Variants in IL21 observed in about 807,000 individuals in gnomAD.
IL21 encodes the protein interleukin 21.
IL21 carries 3 observed loss-of-function variants against 18.4 expected under a neutral mutation model. That is an observed-to-expected ratio of 0.16 (90% CI 0.07 to 0.42). The LOEUF (loss-of-function observed/expected upper bound fraction) is 0.42. IL21 is among the 10% of genes least tolerant of loss of function. The pLI is 0.99. For synonymous variants in IL21, 37 were observed against 62.0 expected (o/e 0.60, Z 1.90); for missense variants, 130 against 188.4 (o/e 0.69, Z 1.81).
At position 122,618,288 on chromosome 4, in the gene IL21, T is replaced by C. The variant is rs201361354; in HGVS notation, c.204+2413A>G. ...ATTTTTTACCTCCTTAGGGCTTTTTTTTTTTTCTTTTGTAGAAACAGGATG... is the reference window on the plus strand; with the variant it reads ...ATTTTTTACCTCCTTAGGGCTTTTTCTTTTTTCTTTTGTAGAAACAGGATG... On this transcript the variant is annotated intron_variant, in intron 2 of 4. Coordinates refer to ENST00000648588, the MANE Select transcript of IL21 (RefSeq NM_021803.4). 1.6e-4 allele frequency among the ~76,000 whole-genome samples: 25 copies of C among 151,922 alleles called. No individual in the cohort carries two copies. In the South Asian group the frequency reaches 2.7e-3, roughly 16 times the overall value.
In IL21 at chr4:122,615,840, G is replaced by A. The variant is rs1172325245; in HGVS notation, c.205-3C>T. ...AAAGCTGACCACTCACAGTTTGTCT[G>A]AAAGATAAACAATTTGTATATATGT... is the stretch of plus-strand genomic sequence containing the variant. On this transcript the variant is annotated splice_region_variant and splice_polypyrimidine_tract_variant and intron_variant, in intron 2 of 4. Coordinates refer to ENST00000648588, the MANE Select transcript of IL21 (RefSeq NM_021803.4). The A allele has an allele frequency of 3.1e-6, 5 of 1,602,602 alleles. 1 individual carries two copies. In the South Asian group the frequency reaches 3.4e-5, roughly 11 times the overall value.
chr4:122,616,492 A>T (rs1799338901), intron 2 of IL21, among the ~76,000 whole-genome samples: 2 of 152,272 alleles, frequency 1.3e-5, no homozygotes, highest in Admixed American at 6.5e-5. Flanking sequence ...ACTTTTCTAA[A>T]ACCCTTTTCA....
chr4:122,618,355 A>C (rs986440739), intron 2 of IL21, among the ~76,000 whole-genome samples: 2 of 151,728 alleles, frequency 1.3e-5, no homozygotes, highest in African/African-American at 4.9e-5. Context: ...TCTTGACCTC[A>C]AGCAATCCTC....
chr4:122,616,738 C>G (rs1022315321), intron 2 of IL21, among the ~76,000 whole-genome samples: 2 of 152,208 alleles, frequency 1.3e-5, no homozygotes, highest in African/African-American at 4.8e-5. Context: ...ATGGAATTTA[C>G]TGGAAAAACC....
At chr4:122,620,084 T>C (rs560830058) in intron 2 of IL21, 1 of 152,246 alleles carries the variant, frequency 6.6e-6, no homozygotes, top group African/African-American at 2.4e-5. Context: ...TTTAAATGGC[T>C]TAAGAGACGG....
rs1453620379 is a variant in IL21 at position 122,612,108 on chromosome 4, A to C, written c.*602T>G. On this transcript the variant is annotated 3_prime_UTR_variant, in exon 5 of 5. Transcript: ENST00000648588. ...AAATACATTCATATCTATAGTATTT[A>C]AATATTTTTATAAACCCCAATAAAG... Among the ~76,000 whole-genome samples the C allele has an allele frequency of 1.3e-5, 2 of 151,936 alleles. No homozygotes were observed. Among genetic ancestry groups the C allele is most frequent in the African/African-American group, 4.8e-5 (2 of 41,380 alleles).
At position 122,620,734 on chromosome 4, in the gene IL21, G is replaced by A. The variant is rs1047208747; in HGVS notation, c.171C>T (p.Val57=). Reference sequence around the variant, plus strand: ...CTTCTGGAGCTGGCAGAAATTCAGGGACCTAGAGCAAAAGAAAATTTGTTC... The same window carrying A: ...CTTCTGGAGCTGGCAGAAATTCAGGAACCTAGAGCAAAAGAAAATTTGTTC... ...DQLKNYVNDL[V]PEFLPAPEDV... is the part of the protein sequence containing the mutation. Residue 57 remains valine, a splice_region_variant and synonymous_variant, in exon 2 of 5, where the codon GTC becomes GTT. Coordinates refer to ENST00000648588, the MANE Select transcript of IL21 (RefSeq NM_021803.4). The A allele has an allele frequency of 6.2e-7, 1 of 1,613,374 alleles. No homozygotes were observed. The highest frequency in any genetic ancestry group is 1.7e-5 in the Admixed American group (1 of 59,950).
rs1319100681 is a variant in IL21 at position 122,611,180 on chromosome 4, C to T, written c.*1530G>A. On this transcript the variant is annotated 3_prime_UTR_variant, in exon 5 of 5. Transcript: ENST00000648588. ...CGGGCTGGCGTATTTGAAACTGAGGCACATTTTAGATATATATTATCATCA... is the reference window on the plus strand; with the variant it reads ...CGGGCTGGCGTATTTGAAACTGAGGTACATTTTAGATATATATTATCATCA... 6.6e-6 allele frequency among the ~76,000 whole-genome samples: 1 copy of T among 152,148 alleles called. No homozygotes were observed. Among genetic ancestry groups the T allele is most frequent in the Non-Finnish European group, 1.5e-5 (1 of 68,030 alleles).
chr4:122,614,716 A>T (rs555820649), intron 3 of IL21, among the ~76,000 whole-genome samples: 113 of 151,834 alleles, frequency 7.4e-4, no homozygotes, highest in Admixed American at 1.1e-3. Flanking sequence ...AAAAAAAAAA[A>T]TTTTTTTTGA....
At chr4:122,613,061 G>A in intron 3 of IL21, 133 bp from the exon 4 acceptor site, 1 of 598,574 alleles carries the variant, frequency 1.7e-6, no homozygotes, top group South Asian at 2.2e-5. Context: ...AAAACTGTTT[G>A]GAAAGTAACA....
intron 3 of IL21, among the ~76,000 whole-genome samples, chr4:122,615,402 G>C (rs1799322544): frequency 6.6e-6 from 1 of 152,114 alleles, no homozygotes; most frequent in South Asian, 2.1e-4. Context: ...GCGGGCACCT[G>C]TAGTCCCAGG....
intron 2 of IL21, among the ~76,000 whole-genome samples, chr4:122,618,722 C>T (rs1385112736): frequency 7.2e-6 from 1 of 139,718 alleles, no homozygotes; most frequent in Non-Finnish European, 1.5e-5. Flanking sequence ...AGGAGAATCG[C>T]TTGAACCTGG....
rs1799265148 is a variant in IL21 at position 122,611,690 on chromosome 4, T to G, written c.*1020A>C. ...GGCCTCTTGGTTTGTCTCCTGATTTTTAAATTATATAGGTGATTGAATTTG... is the reference window on the plus strand; with the variant it reads ...GGCCTCTTGGTTTGTCTCCTGATTTGTAAATTATATAGGTGATTGAATTTG... On this transcript the variant is annotated 3_prime_UTR_variant, in exon 5 of 5. Coordinates refer to ENST00000648588, the MANE Select transcript of IL21 (RefSeq NM_021803.4). 6.6e-6 allele frequency among the ~76,000 whole-genome samples: 1 copy of G among 152,196 alleles called. No homozygotes were observed. The highest frequency in any genetic ancestry group is 6.5e-5 in the Admixed American group (1 of 15,270).
In IL21 at chr4:122,611,350, A is replaced by G. The variant is rs1395438862; in HGVS notation, c.*1360T>C. ...TTGAGATTTGATTAAATAATTCTCAATATATCTTTTAGAACTGTAGGTTAA... is the reference window on the plus strand; with the variant it reads ...TTGAGATTTGATTAAATAATTCTCAGTATATCTTTTAGAACTGTAGGTTAA... On this transcript the variant is annotated 3_prime_UTR_variant, in exon 5 of 5. Transcript: ENST00000648588. 6.6e-6 allele frequency among the ~76,000 whole-genome samples: 1 copy of G among 152,138 alleles called. No individual in the cohort carries two copies. The highest frequency in any genetic ancestry group is 1.5e-5 in the Non-Finnish European group (1 of 68,000).
At chr4:122,613,870 G>GA (rs1157422987) in intron 3 of IL21, among the ~76,000 whole-genome samples, 3 of 152,024 alleles carry the variant, frequency 2.0e-5, no homozygotes, top group Admixed American at 6.5e-5. Context: ...TGTTTAATTG[G>GA]AAAAAACAGG....
chr4:122,619,469 C>T (rs1289725110), intron 2 of IL21: 2 of 152,158 alleles, frequency 1.3e-5, no homozygotes, highest in Non-Finnish European at 2.9e-5. Flanking sequence ...AGGAAGTACC[C>T]ACTGGACCAA....
chr4:122,612,769 A>G lies in IL21; in HGVS notation c.439-9T>C. On this transcript the variant is annotated splice_polypyrimidine_tract_variant and intron_variant, in intron 4 of 4. Transcript: ENST00000648588. ...AGATGCTGATGAATCATCTGTGGAA[A>G]TAGTATACCGTGAGTAACTAAGAAG... 1.2e-6 allele frequency: 2 copies of G among 1,613,680 alleles called. No homozygotes were observed. Among genetic ancestry groups the G allele is most frequent in the Non-Finnish European group, 1.7e-6 (2 of 1,179,770 alleles).
At chr4:122,620,113 G>A (rs772448968) in intron 2 of IL21, 5 of 152,226 alleles carry the variant, frequency 3.3e-5, no homozygotes, top group Non-Finnish European at 7.3e-5. Flanking sequence ...GTTGAAAATG[G>A]TTCTTTCAAA....
chr4:122,610,384 T>A lies in IL21; in HGVS notation c.*2326A>T, dbSNP rs1275397249. ...TCTCATGACCTATAATAATGTTTCC[T>A]TTTCTCCCCTCCTTCCTTCCTTCCT... On this transcript the variant is annotated 3_prime_UTR_variant, in exon 5 of 5. Coordinates refer to ENST00000648588, the MANE Select transcript of IL21 (RefSeq NM_021803.4). Among the ~76,000 whole-genome samples, 13 of 152,128 alleles carry A rather than the reference T, an allele frequency of 8.5e-5. No individual in the cohort carries two copies. Among genetic ancestry groups the A allele is most frequent in the Admixed American group, 8.5e-4 (13 of 15,262 alleles).
Sources: gnomAD v4.1 joint callset for allele counts (sites outside exome capture counted in the v4.1 genomes callset) on GRCh38, gnomAD v4.1.1 for gene constraint, MANE v1.5 for transcripts, NCBI Gene and HGNC (gene_info 2026-07-23, HGNC 2026-07-21) for gene names.